The following SLIT1 variants were observed in gnomAD, a reference collection of about 807,000 sequenced individuals.
SLIT1 encodes the protein slit homolog 1 protein.
Under a neutral mutation model 186.1 loss-of-function variants are expected in SLIT1, and 66 were observed. The observed-to-expected ratio is 0.35, with a 90% CI of 0.29 to 0.44. The LOEUF (loss-of-function observed/expected upper bound fraction) is 0.44, where lower values mean the gene tolerates loss of function less well. Ranked by LOEUF, SLIT1 falls within the 20% of genes least tolerant of loss-of-function variation. The pLI, the probability that SLIT1 is intolerant of heterozygous loss-of-function variation, is 1.00. For missense variants in SLIT1, 1,638 were observed against 2,037.4 expected, an observed-to-expected ratio of 0.80 and a Z score of 3.77; for synonymous variants, 761 against 833.8, an observed-to-expected ratio of 0.91 and a Z score of 1.50.
Position 97,156,316 on chromosome 10 carries a change from G to A in SLIT1, c.413+1502C>T, listed in dbSNP as rs147107210. Among the ~76,000 whole-genome samples the A allele has an allele frequency of 5.5e-4, 84 of 152,300 alleles. 6 individuals carry two copies. In the East Asian group the frequency reaches 0.016, roughly 29 times the overall value. ...AGCTTGGCCAGGTGCAGTGGTTCAC[G>A]CCTGTAATCCCAGCACTTTGGAAGG... On this transcript the variant is annotated intron_variant, in intron 4 of 36. Coordinates refer to ENST00000266058, the MANE Select transcript of SLIT1 (RefSeq NM_003061.3).
intron 28 of SLIT1, among the ~76,000 whole-genome samples, chr10:97,016,039 T>C (rs1848452442): frequency 6.6e-6 from 1 of 152,300 alleles, no homozygotes; most frequent in Non-Finnish European, 1.5e-5. Context: ...CCACGTGGGG[T>C]GGCACATGCC....
intron 4 of SLIT1, among the ~76,000 whole-genome samples, chr10:97,131,558 CT>C (rs1251080156): frequency 6.6e-6 from 1 of 152,238 alleles, no homozygotes; most frequent in Non-Finnish European, 1.5e-5. Flanking sequence ...CTAGAGACCC[CT>C]GTGAACAGCA....
intron 1 of SLIT1, among the ~76,000 whole-genome samples, chr10:97,181,119 C>A (rs72821771): frequency 1.3e-5 from 2 of 152,080 alleles, no homozygotes; most frequent in African/African-American, 4.8e-5. Context: ...AGGCACGGCA[C>A]GGGGGTCCTA....
intron 4 of SLIT1, among the ~76,000 whole-genome samples, chr10:97,128,673 T>C (rs1337746559): frequency 1.3e-5 from 2 of 152,158 alleles, no homozygotes; most frequent in Admixed American, 6.5e-5. Flanking sequence ...CAGTGGTTGC[T>C]AAGAGACAGA....
At chr10:97,014,282 G>T in intron 28 of SLIT1, 124 bp from the exon 29 acceptor site, 1 of 1,123,004 alleles carries the variant, frequency 8.9e-7, no homozygotes, top group Non-Finnish European at 1.3e-6. Flanking sequence ...GCCCTTGCCA[G>T]GTGCTGGGTA....
intron 4 of SLIT1, chr10:97,103,380 A>C (rs187392717): frequency 6.6e-6 from 1 of 152,258 alleles, no homozygotes; most frequent in African/African-American, 2.4e-5. Flanking sequence ...GAAAACCCCC[A>C]ACACTCTTTT....
At chr10:97,139,520 G>T (rs904662688) in intron 4 of SLIT1, among the ~76,000 whole-genome samples, 2 of 152,176 alleles carry the variant, frequency 1.3e-5, no homozygotes, top group Admixed American at 1.3e-4. Context: ...TCAAGAAATA[G>T]TTGCTCTGTG....
At chr10:97,037,536 G>A (rs1012386828) in intron 22 of SLIT1, among the ~76,000 whole-genome samples, 162 bp downstream of exon 22, 10 of 152,156 alleles carry the variant, frequency 6.6e-5, no homozygotes. Flanking sequence ...GCCACTAGGT[G>A]GCAAAACAGC....
At chr10:97,030,901 G>A in intron 24 of SLIT1, 73 bp from the exon 25 acceptor site, 1 of 1,315,834 alleles carries the variant, frequency 7.6e-7, no homozygotes, top group Non-Finnish European at 1.1e-6. Context: ...GAGAGGCCCA[G>A]CCCTCTGCAG....
chr10:97,057,275 G>A lies in SLIT1; in HGVS notation c.1092C>T (p.Leu364=). 6.2e-7 allele frequency: 1 copy of A among 1,613,770 alleles called. No individual in the cohort carries two copies. The highest frequency in any genetic ancestry group is 1.7e-5 in the Admixed American group (1 of 60,018). The part of the protein sequence containing the change: ...QGLRSLNSLV[L]YGNKITDLPR... ...GGAGGTCTGTGATCTTGTTTCCATA[G>A]AGGACCCTGGAGAAAAGGCAGCAGA... Residue 364 remains leucine (L), a synonymous_variant, in exon 12 of 37, where the codon CTC becomes CTT. Transcript: ENST00000266058.
chr10:97,132,043 A>C (rs1849659248), intron 4 of SLIT1, among the ~76,000 whole-genome samples: 1 of 152,224 alleles, frequency 6.6e-6, no homozygotes, highest in East Asian at 1.9e-4. Flanking sequence ...AAATGTTTAA[A>C]GTAGAAATGA....
At chr10:97,110,625 A>G (rs562153333) in intron 4 of SLIT1, among the ~76,000 whole-genome samples, 62 of 152,386 alleles carry the variant, frequency 4.1e-4, no homozygotes, top group African/African-American at 1.5e-3. Context: ...GCAAAAGTTA[A>G]GCTAAGGCTT....
intron 4 of SLIT1, among the ~76,000 whole-genome samples, chr10:97,126,171 C>T (rs184069337): frequency 1.3e-5 from 2 of 152,272 alleles, no homozygotes; most frequent in South Asian, 2.1e-4. Flanking sequence ...TAATAACTTT[C>T]CGATGTGAAG....
intron 4 of SLIT1, among the ~76,000 whole-genome samples, chr10:97,147,183 G>C (rs1313511291): frequency 6.6e-6 from 1 of 152,194 alleles, no homozygotes; most frequent in Non-Finnish European, 1.5e-5. Flanking sequence ...TCACAGAAGG[G>C]CAAATCCTGT....
rs11591543 is a variant in SLIT1 at position 97,000,790 on chromosome 10, G to C, written c.*322C>G. 0.088 allele frequency: 26,181 copies of C among 298,846 alleles called. 1,453 individuals are homozygous for C. The highest frequency in any genetic ancestry group is 0.11 in the Non-Finnish European group (17,839 of 159,726). The allele number at this position is 298,846 out of a possible 1,614,324, so 18.5% of individuals were successfully genotyped here. A position where few individuals can be genotyped will look rare whatever the true frequency, so the allele number is the denominator to read the frequency against. ...TTCTCCAGATTCAGATAGCAGGTAA[G>C]GAGGGGTGTCATCGTTCTGCACTTC... On this transcript the variant is annotated 3_prime_UTR_variant, in exon 37 of 37. Transcript: ENST00000266058.
intron 4 of SLIT1, among the ~76,000 whole-genome samples, chr10:97,135,001 T>G (rs1341061198): frequency 6.6e-6 from 1 of 152,176 alleles, no homozygotes; most frequent in Non-Finnish European, 1.5e-5. Context: ...GACCACAGCC[T>G]TTTTTCTCAC....
chr10:97,154,137 TA>T (rs1209653716), intron 4 of SLIT1: 2 of 152,258 alleles, frequency 1.3e-5, no homozygotes, highest in African/African-American at 4.8e-5. Context: ...GCGTACACAG[TA>T]ATATTAGAAG....
chr10:97,140,509 C>T (rs964970910), intron 4 of SLIT1, among the ~76,000 whole-genome samples: 2 of 152,220 alleles, frequency 1.3e-5, no homozygotes, highest in African/African-American at 4.8e-5. Context: ...TTGCCTGGAG[C>T]CCCTCATTCT....
chr10:97,126,007 C>T (rs2134691037), intron 4 of SLIT1, among the ~76,000 whole-genome samples: 1 of 152,282 alleles, frequency 6.6e-6, no homozygotes. Context: ...TCTGTGTTTT[C>T]ATATGCAGAG....
Sources: gnomAD v4.1 joint callset for allele counts (sites outside exome capture counted in the v4.1 genomes callset) on GRCh38, gnomAD v4.1.1 for gene constraint, MANE v1.5 for transcripts, NCBI Gene and HGNC (gene_info 2026-07-23, HGNC 2026-07-21) for gene names.